FOXN3: variants seen among roughly 807,000 people sequenced by gnomAD.
FOXN3 encodes forkhead box protein N3.
A neutral mutation model predicts 38.4 loss-of-function variants in FOXN3; 7 were observed. That is an observed-to-expected ratio of 0.18 (90% confidence interval 0.10 to 0.34). The LOEUF (loss-of-function observed/expected upper bound fraction) is 0.34. Ranked by LOEUF, FOXN3 falls within the 10% of genes least tolerant of loss-of-function variation. FOXN3 has a pLI of 1.00. For synonymous variants in FOXN3, 230 were observed against 242.2 expected, an observed-to-expected ratio of 0.95 and a Z score of 0.47; for missense variants, 456 against 613.4, an observed-to-expected ratio of 0.74 and a Z score of 2.71.
chr14:89,539,250 A>T (rs1234529901), intron 1 of FOXN3, among the ~76,000 whole-genome samples: 1 of 152,242 alleles, frequency 6.6e-6, no homozygotes, highest in Non-Finnish European at 1.5e-5. Context: ...TTTGAAGATA[A>T]AAAGGTTATG....
rs116321320 is a variant in FOXN3, at chr14:89,213,896, A to C, written c.746-33090T>G. 9.5e-3 allele frequency among the ~76,000 whole-genome samples: 1,445 copies of C among 152,346 alleles called. 20 individuals carry two copies. The highest frequency in any genetic ancestry group is 0.034 in the African/African-American group (1,396 of 41,572). On this transcript the variant is annotated intron_variant, in intron 4 of 5. Coordinates refer to ENST00000557258, the MANE Select transcript of FOXN3 (RefSeq NM_005197.4). ...TAAGCTATTGTTTCTTCTAAATTTT[A>C]TACTCACTGTAACAGTAACAAAGAT...
intron 1 of FOXN3, among the ~76,000 whole-genome samples, chr14:89,514,564 G>A (rs954419985): frequency 3.3e-5 from 5 of 152,322 alleles, no homozygotes; most frequent in Non-Finnish European, 5.9e-5. Context: ...CTTTACTGAC[G>A]TAGAAACTGA....
intron 4 of FOXN3, among the ~76,000 whole-genome samples, chr14:89,214,125 T>G (rs1884188783): frequency 6.6e-6 from 1 of 151,872 alleles, no homozygotes; most frequent in Non-Finnish European, 1.5e-5. Context: ...GATATATCTT[T>G]TTTGTTTGTT....
Position 89,215,725 on chromosome 14 carries a change from T to G in FOXN3, c.746-34919A>C, listed in dbSNP as rs894054771. ...AAATGCAGAAGAAAAGTGGCTCTTC[T>G]GTGCAATTTCTGCAGTGTGGCAGTC... On this transcript the variant is annotated intron_variant, in intron 4 of 5. Coordinates refer to ENST00000557258, the MANE Select transcript of FOXN3 (RefSeq NM_005197.4). Among the ~76,000 whole-genome samples, 6 of 152,342 alleles carry G rather than the reference T, an allele frequency of 3.9e-5. No individual in the cohort carries two copies. The South Asian group carries it at 1.2e-3, about 32-fold the overall frequency.
At chr14:89,367,078 T>C (rs1890181225) in intron 2 of FOXN3, among the ~76,000 whole-genome samples, 1 of 152,208 alleles carries the variant, frequency 6.6e-6, no homozygotes, top group Non-Finnish European at 1.5e-5. Flanking sequence ...AGCCCTTCTC[T>C]CTCAGTGAAA....
intron 4 of FOXN3, among the ~76,000 whole-genome samples, chr14:89,229,455 G>A (rs1269031803): frequency 1.3e-5 from 2 of 152,124 alleles, no homozygotes; most frequent in African/African-American, 4.8e-5. Flanking sequence ...GGGATCACAT[G>A]AGGGACAGAA....
chr14:89,415,884 C>CACACACACACACACACACACACA (rs1566647933), intron 1 of FOXN3, among the ~76,000 whole-genome samples: 5 of 93,262 alleles, frequency 5.4e-5, no homozygotes, highest in Non-Finnish European at 6.4e-5. Context: ...ACACACACAC[C>CACACACACACACACACACACACA]CTCTTTTGTT....
intron 1 of FOXN3, among the ~76,000 whole-genome samples, chr14:89,511,271 C>CT (rs1441481438): frequency 1.8e-5 from 1 of 55,422 alleles, no homozygotes; most frequent in African/African-American, 5.5e-5. Context: ...TTCTTTCTTT[C>CT]TTTCTTTCTT....
At chr14:89,607,817 CT>C (rs112564229) in intron 1 of FOXN3, among the ~76,000 whole-genome samples, 131,728 of 147,084 alleles carry the variant, frequency 0.9, 60,468 homozygotes, top group East Asian at 1. Flanking sequence ...TACATGCTAT[CT>C]TTTTTTTTTT....
rs75362808 is a variant in FOXN3, at chr14:89,405,742, T to C, written c.543+6192A>G. Among the ~76,000 whole-genome samples, 906 of 152,306 alleles carry C rather than the reference T, an allele frequency of 5.9e-3. 45 individuals are homozygous for C. The East Asian group carries it at 0.13, about 21-fold the overall frequency. On this transcript the variant is annotated intron_variant, in intron 2 of 5. Coordinates refer to ENST00000557258, the MANE Select transcript of FOXN3 (RefSeq NM_005197.4). The stretch of plus-strand genomic sequence containing the variant: ...TCTGTATTTGCCTTTCTCTATCCTG[T>C]GCCCCCAGAGTTAATTCTGGGTTTA...
At chr14:89,504,866 A>G (rs1296056336) in intron 1 of FOXN3, among the ~76,000 whole-genome samples, 2 of 152,174 alleles carry the variant, frequency 1.3e-5, no homozygotes, top group African/African-American at 4.8e-5. Context: ...TCCTGTCTGG[A>G]GACCTGATGC....
In FOXN3 at chr14:89,162,046, G is replaced by A. The variant is rs557739226; in HGVS notation, c.*368C>T. On this transcript the variant is annotated 3_prime_UTR_variant, in exon 6 of 6. Coordinates refer to ENST00000557258, the MANE Select transcript of FOXN3 (RefSeq NM_005197.4). The surrounding 1 kb of genome is among the most constrained non-coding windows in gnomAD (Gnocchi z 7.2). ...CACGTGCCTTCTAGGTGCCGAATGT[G>A]TGTTCCTGTGATATTGACGTTGACA... 9.3e-5 allele frequency: 16 copies of A among 171,490 alleles called. No individual in the cohort carries two copies. The highest frequency in any genetic ancestry group is 1.5e-4 in the Non-Finnish European group (12 of 80,950). 10.6% of individuals were successfully genotyped at this position (171,490 alleles called of 1,614,324 possible).
At chr14:89,560,026 C>T (rs1488218592) in intron 1 of FOXN3, among the ~76,000 whole-genome samples, 2 of 152,312 alleles carry the variant, frequency 1.3e-5, no homozygotes, top group East Asian at 3.9e-4. Flanking sequence ...GTTTAACTGA[C>T]TCAGTTTGAC....
intron 1 of FOXN3, among the ~76,000 whole-genome samples, chr14:89,496,872 C>T (rs978120664): frequency 1.5e-4 from 23 of 152,280 alleles, no homozygotes; most frequent in South Asian, 1.2e-3. Context: ...AGTGGAACCA[C>T]GGAATATTTG....
chr14:89,456,490 A>G (rs1007800812), intron 1 of FOXN3, among the ~76,000 whole-genome samples: 1 of 152,242 alleles, frequency 6.6e-6, no homozygotes, highest in Non-Finnish European at 1.5e-5. Flanking sequence ...GCAGTGGCTC[A>G]TGCCTGTAAT....
chr14:89,603,459 T>G (rs1190399503), intron 1 of FOXN3, among the ~76,000 whole-genome samples: 1 of 152,156 alleles, frequency 6.6e-6, no homozygotes, highest in East Asian at 1.9e-4. Flanking sequence ...CAGAAGGAAG[T>G]GGTAACTTGA....
rs1372180691 is a variant in FOXN3 at position 89,178,443 on chromosome 14, C to T, written c.851+2258G>A. 2.6e-5 allele frequency among the ~76,000 whole-genome samples: 4 copies of T among 152,330 alleles called. No homozygotes were observed. The South Asian group carries it at 8.3e-4, about 32-fold the overall frequency. On this transcript the variant is annotated intron_variant, in intron 5 of 5. Transcript: ENST00000557258. ...GAGATTATAGGCATGAGCCACCACA[C>T]CCAGCCCTGGTTAACATTAAAGTCT...
rs1395974205 is a variant in FOXN3, at chr14:89,326,353, A to G, written c.680+24319T>C. On this transcript the variant is annotated intron_variant, in intron 3 of 5. Coordinates refer to ENST00000557258, the MANE Select transcript of FOXN3 (RefSeq NM_005197.4). ...GTATATTTTCAACCCCAGGAACTGT[A>G]CAGAATTTTAATTTTGCTTCATGTG... 1.3e-5 allele frequency among the ~76,000 whole-genome samples: 2 copies of G among 152,240 alleles called. 1 individual carries two copies. The highest frequency in any genetic ancestry group is 2.9e-5 in the Non-Finnish European group (2 of 68,038).
chr14:89,293,241 T>C (rs1406131862), intron 3 of FOXN3, among the ~76,000 whole-genome samples: 1 of 152,224 alleles, frequency 6.6e-6, no homozygotes, highest in East Asian at 1.9e-4. Flanking sequence ...AGAAGGCAGC[T>C]TCCCCCCTCT....
Sources: allele counts gnomAD v4.1 joint callset (sites outside exome capture counted in the v4.1 genomes callset), GRCh38; gene constraint gnomAD v4.1.1; non-coding constraint Gnocchi (gnomAD v3.1); transcripts MANE v1.5; gene names NCBI Gene and HGNC (gene_info 2026-07-23, HGNC 2026-07-21).